The following DLGAP1 variants were observed in gnomAD, a reference collection of about 807,000 sequenced individuals.
The protein encoded by DLGAP1 is disks large-associated protein 1.
Under a neutral mutation model 90.8 loss-of-function variants are expected in DLGAP1, and 11 were observed. That is an observed-to-expected ratio of 0.12 (90% CI 0.08 to 0.20). The LOEUF is 0.20. DLGAP1 is among the 10% of genes least tolerant of loss of function. DLGAP1 has a pLI of 1.00. For synonymous variants in DLGAP1, 558 were observed against 540.7 expected (o/e 1.03, Z -0.44); for missense variants, 1,050 against 1,333.8 (o/e 0.79, Z 3.31).
chr18:3,499,586 C>T lies in DLGAP1; in HGVS notation c.2725-192G>A, dbSNP rs1043623465. ...TCAAAAGATGCAGAAAAAAAAAAAT[C>T]CCGGTAAGCTTAAGGCCCAGGGTAA... On this transcript the variant is annotated intron_variant, in intron 12 of 12. Coordinates refer to ENST00000315677, the MANE Select transcript of DLGAP1 (RefSeq NM_004746.4). The surrounding 1 kb of genome is among the most constrained non-coding windows in gnomAD (Gnocchi z 6.4). Among the ~76,000 whole-genome samples, 2 of 151,960 alleles carry T rather than the reference C, an allele frequency of 1.3e-5. No homozygotes were observed. The highest frequency in any genetic ancestry group is 2.9e-5 in the Non-Finnish European group (2 of 67,962).
intron 5 of DLGAP1, among the ~76,000 whole-genome samples, chr18:3,755,112 C>A (rs962723595): frequency 5.3e-5 from 8 of 151,838 alleles, no homozygotes; most frequent in African/African-American, 1.5e-4. Flanking sequence ...ATTGTAATCT[C>A]TGGAGTAACC....
chr18:3,619,974 G>A lies in DLGAP1; in HGVS notation c.1592-37726C>T, dbSNP rs575901937. Among the ~76,000 whole-genome samples, 7 of 139,900 alleles carry A rather than the reference G, an allele frequency of 5.0e-5. No homozygotes were observed. In the East Asian group the frequency reaches 1.4e-3, roughly 27 times the overall value. The allele number at this position is 139,900 out of a possible 152,430, so 91.8% of individuals were successfully genotyped here. ...CGGAACTATAGGTGCATGCCACCATGCCTGGCCACCTGCTGGAGTTTAAGC... is the reference window on the plus strand; with the variant it reads ...CGGAACTATAGGTGCATGCCACCATACCTGGCCACCTGCTGGAGTTTAAGC... On this transcript the variant is annotated intron_variant, in intron 7 of 12. Coordinates refer to ENST00000315677, the MANE Select transcript of DLGAP1 (RefSeq NM_004746.4).
intron 2 of DLGAP1, among the ~76,000 whole-genome samples, chr18:4,124,185 C>A (rs1248596537): frequency 6.6e-6 from 1 of 152,124 alleles, no homozygotes; most frequent in African/African-American, 2.4e-5. Flanking sequence ...TTCCTGAGAG[C>A]TCCTGTGCCA....
chr18:3,845,225 A>G, intron 4 of DLGAP1: 2 of 1,612,830 alleles, frequency 1.2e-6, no homozygotes. Context: ...AATTGCTATT[A>G]GCTTACCTTA....
At chr18:3,843,332 C>T (rs60045773) in intron 4 of DLGAP1, among the ~76,000 whole-genome samples, 17,240 of 152,222 alleles carry the variant, frequency 0.11, 1,065 homozygotes, top group Middle Eastern at 0.14. Context: ...TGATGCTGGC[C>T]AAAGAGCCTT....
intron 6 of DLGAP1, among the ~76,000 whole-genome samples, chr18:3,737,425 A>G (rs1279732754): frequency 7.2e-6 from 1 of 139,060 alleles, no homozygotes; most frequent in Non-Finnish European, 1.6e-5. Context: ...CTTATCCACC[A>G]TGATCAAGTG....
At chr18:3,895,057 C>G (rs1447562704) in intron 3 of DLGAP1, among the ~76,000 whole-genome samples, 3 of 152,104 alleles carry the variant, frequency 2.0e-5, no homozygotes, top group African/African-American at 4.8e-5. Context: ...TGGTAAATTC[C>G]TCTCAGGTGT....
intron 7 of DLGAP1, among the ~76,000 whole-genome samples, chr18:3,658,948 T>C (rs2059589779): frequency 6.6e-6 from 1 of 152,214 alleles, no homozygotes; most frequent in African/African-American, 2.4e-5. Flanking sequence ...CATCATTTAC[T>C]GAGTTGGGGA....
At chr18:4,274,252 A>G (rs188793790) in intron 1 of DLGAP1, among the ~76,000 whole-genome samples, 4 of 151,960 alleles carry the variant, frequency 2.6e-5, no homozygotes. Flanking sequence ...TTTCTTTTTT[A>G]ATTTCTTCTT....
At chr18:4,325,602 C>T (rs534076748) in intron 1 of DLGAP1, among the ~76,000 whole-genome samples, 90 of 152,066 alleles carry the variant, frequency 5.9e-4, no homozygotes, top group African/African-American at 2.0e-3. Flanking sequence ...TCATATTACC[C>T]AACTTCAAAC....
intron 1 of DLGAP1, among the ~76,000 whole-genome samples, chr18:4,357,169 T>TG (rs2081538167): frequency 6.9e-6 from 1 of 144,994 alleles, no homozygotes; most frequent in African/African-American, 2.6e-5. Context: ...TTTTTTTTTT[T>TG]TTTTTTGACA....
intron 7 of DLGAP1, among the ~76,000 whole-genome samples, chr18:3,715,757 CT>C (rs2061741150): frequency 6.6e-6 from 1 of 152,134 alleles, no homozygotes; most frequent in Admixed American, 6.5e-5. Flanking sequence ...GAGAGCTGAG[CT>C]TTTGTTAGAG....
chr18:4,424,107 T>C (rs545915986), intron 1 of DLGAP1, among the ~76,000 whole-genome samples: 16 of 152,200 alleles, frequency 1.1e-4, no homozygotes, highest in African/African-American at 3.6e-4. Context: ...GCCGAGATCA[T>C]GCCACTGCAC....
rs2052230788 is a variant in DLGAP1 at position 3,534,689 on chromosome 18, T to TTC, written c.2058-75_2058-74insGA. On this transcript the variant is annotated intron_variant, in intron 9 of 12. Transcript: ENST00000315677. ...TCCTTCCTTCCTTCCTTCCTTCCTT[T>TTC]CTTTCTTTTTTTTTTTTTTTTGACA... is the stretch of plus-strand genomic sequence containing the variant. The TTC allele has an allele frequency of 1.2e-4, 161 of 1,300,152 alleles. No homozygotes were observed. In the African/African-American group the frequency reaches 2.2e-3, roughly 18 times the overall value. The allele number at this position is 1,300,152 out of a possible 1,614,324, so 80.5% of individuals were successfully genotyped here.
chr18:3,935,479 A>T (rs1323361173), intron 3 of DLGAP1, among the ~76,000 whole-genome samples: 1 of 152,178 alleles, frequency 6.6e-6, no homozygotes, highest in East Asian at 1.9e-4. Context: ...GTATGCCTCT[A>T]AGGCAAGTAT....
At chr18:4,273,254 T>C (rs2079325522) in intron 1 of DLGAP1, among the ~76,000 whole-genome samples, 1 of 152,150 alleles carries the variant, frequency 6.6e-6, no homozygotes, top group African/African-American at 2.4e-5. Flanking sequence ...TGTTGAGAAA[T>C]AGCCTGATCT....
At chr18:4,296,041 G>C (rs2143145856) in intron 1 of DLGAP1, among the ~76,000 whole-genome samples, 1 of 152,280 alleles carries the variant, frequency 6.6e-6, no homozygotes, top group Non-Finnish European at 1.5e-5. Flanking sequence ...CCAGCACAAG[G>C]TTAGTAAGGA....
chr18:3,805,859 G>A (rs1437797034), intron 5 of DLGAP1, among the ~76,000 whole-genome samples: 7 of 151,902 alleles, frequency 4.6e-5, no homozygotes, highest in Admixed American at 4.6e-4. Flanking sequence ...ATTAATTGAT[G>A]TGATAATTAA....
chr18:3,993,946 A>G (rs542473630), intron 3 of DLGAP1, among the ~76,000 whole-genome samples: 1 of 152,136 alleles, frequency 6.6e-6, no homozygotes, highest in African/African-American at 2.4e-5. Context: ...AAAGCCTGAC[A>G]TGTGTAAGAC....
Sources: allele counts gnomAD v4.1 joint callset (sites outside exome capture counted in the v4.1 genomes callset), GRCh38; gene constraint gnomAD v4.1.1; non-coding constraint Gnocchi (gnomAD v3.1); transcripts MANE v1.5; gene names NCBI Gene and HGNC (gene_info 2026-07-23, HGNC 2026-07-21).